The following ZNF618 variants were observed in gnomAD, a reference collection of about 807,000 sequenced individuals.
ZNF618 encodes the protein neural precursor cell expressed, developmentally down-regulated 10.
Under a neutral mutation model 103.0 loss-of-function variants are expected in ZNF618, and 34 were observed. The ratio of observed to expected loss-of-function variants is 0.33; its 90% CI spans 0.25 to 0.44. The LOEUF is 0.44. Ranked by LOEUF, ZNF618 falls within the 20% of genes least tolerant of loss-of-function variation. ZNF618 has a pLI of 1.00. For missense variants in ZNF618, 1,059 were observed against 1,295.4 expected (o/e 0.82, Z 2.80); for synonymous variants, 551 against 542.2 (o/e 1.02, Z -0.23).
intron 1 of ZNF618, among the ~76,000 whole-genome samples, chr9:113,886,971 CTTTTTTTTTTTTTTT>C (rs57000343): frequency 1.8e-5 from 2 of 109,518 alleles, no homozygotes; most frequent in Admixed American, 1.0e-4. Context: ...TTACTTTCTA[CTTTTTTTTTTTTTTT>C]TTTTTTTTTT....
At chr9:113,966,741 A>G (rs1837439196) in intron 1 of ZNF618, among the ~76,000 whole-genome samples, 1 of 152,216 alleles carries the variant, frequency 6.6e-6, no homozygotes, top group Admixed American at 6.5e-5. Context: ...ATTCCAATGA[A>G]GCAACTCTCA....
chr9:114,039,206 C>T (rs1844899351), intron 13 of ZNF618, among the ~76,000 whole-genome samples: 2 of 152,128 alleles, frequency 1.3e-5, no homozygotes, highest in African/African-American at 2.4e-5. Flanking sequence ...TTTCAGCCTC[C>T]GCGTTAAAGT....
chr9:113,897,226 A>T (rs1320293376), intron 1 of ZNF618, among the ~76,000 whole-genome samples: 1 of 152,076 alleles, frequency 6.6e-6, no homozygotes, highest in Non-Finnish European at 1.5e-5. Context: ...AACTAAGAAG[A>T]TGTTTTTGAT....
intron 2 of ZNF618, among the ~76,000 whole-genome samples, chr9:113,984,826 A>T (rs1163897480): frequency 6.6e-6 from 1 of 152,172 alleles, no homozygotes; most frequent in Non-Finnish European, 1.5e-5. Context: ...CTTGAATGTG[A>T]ATACACATCG....
At chr9:114,036,192 G>C (rs578136018) in intron 12 of ZNF618, 108 bp from the exon 13 acceptor site, 7 of 1,004,246 alleles carry the variant, frequency 7.0e-6, no homozygotes, top group African/African-American at 3.2e-5. Context: ...CCTGAGCACA[G>C]AGACCCGGTG....
chr9:113,939,499 G>T (rs759118689), intron 1 of ZNF618, among the ~76,000 whole-genome samples: 4 of 151,898 alleles, frequency 2.6e-5, no homozygotes, highest in Admixed American at 6.6e-5. Context: ...AATTATGTTG[G>T]CTTTGTAACA....
chr9:113,919,630 G>T (rs1352864324), intron 1 of ZNF618, among the ~76,000 whole-genome samples: 1 of 152,318 alleles, frequency 6.6e-6, no homozygotes, highest in East Asian at 1.9e-4. Flanking sequence ...GTCCTCCAAC[G>T]GCGGGGCCAG....
intron 12 of ZNF618, among the ~76,000 whole-genome samples, chr9:114,033,150 C>G (rs1282233490): frequency 1.3e-5 from 2 of 152,206 alleles, no homozygotes; most frequent in Non-Finnish European, 1.5e-5. Context: ...TGGCTCACAC[C>G]TGTAATCCCA....
chr9:114,032,654 C>T lies in ZNF618; in HGVS notation c.1094C>T (p.Ala365Val), dbSNP rs1844192516. The T allele has an allele frequency of 6.2e-7, 1 of 1,614,014 alleles. No homozygotes were observed. The highest frequency in any genetic ancestry group is 8.5e-7 in the Non-Finnish European group (1 of 1,179,878). ...PASKATAAES[A>V]FSRRVEGKAQ... ...CCTGTCCCCCACCCAGCAGAAAGCG[C>T]TTTCAGTCGGAGAGTAGAAGGCAAA... Residue 365 changes from alanine (A) to valine (V), a missense_variant, in exon 12 of 15, where the codon GCT becomes GTT. Ala to Val is a moderately conservative substitution (Grantham distance 64). Transcript: ENST00000374126.
chr9:114,030,147 G>A lies in ZNF618; in HGVS notation c.1084+1175G>A, dbSNP rs543605807. Among the ~76,000 whole-genome samples the A allele has an allele frequency of 7.9e-5, 12 of 152,332 alleles. No individual in the cohort carries two copies. In the South Asian group the frequency reaches 2.1e-3, roughly 26 times the overall value. ...GACAACCCAGCCGAGTGATTAAGCC[G>A]TGCTTTCCTTTACTCCTCAGTTCAG... is the stretch of plus-strand genomic sequence containing the variant. On this transcript the variant is annotated intron_variant, in intron 11 of 14. Transcript: ENST00000374126.
intron 1 of ZNF618, among the ~76,000 whole-genome samples, chr9:113,916,498 G>A (rs2131556094): frequency 6.6e-6 from 1 of 152,328 alleles, no homozygotes; most frequent in South Asian, 2.1e-4. Flanking sequence ...TGTTGTAGAG[G>A]TAAGTGTACC....
chr9:114,020,618 A>G (rs1000745342), intron 10 of ZNF618, among the ~76,000 whole-genome samples: 4 of 138,172 alleles, frequency 2.9e-5, no homozygotes, highest in Non-Finnish European at 6.3e-5. Flanking sequence ...GCTATTGCCT[A>G]TAAAAAAATC....
chr9:114,014,379 A>G (rs934188743), intron 9 of ZNF618, among the ~76,000 whole-genome samples: 4 of 152,186 alleles, frequency 2.6e-5, no homozygotes, highest in African/African-American at 7.2e-5. Flanking sequence ...TAAATTCCCT[A>G]TCATGGGTTT....
intron 1 of ZNF618, among the ~76,000 whole-genome samples, chr9:113,886,409 G>A (rs549165630): frequency 2.0e-5 from 3 of 152,254 alleles, no homozygotes; most frequent in South Asian, 2.1e-4. Flanking sequence ...TTTTGCAAGC[G>A]AAGAAGATGT....
chr9:113,969,015 A>G (rs1837695158), intron 1 of ZNF618, 102 bp from the exon 2 acceptor site: 4 of 1,338,854 alleles, frequency 3.0e-6, no homozygotes, highest in Middle Eastern at 1.8e-4. Context: ...CTCACCCCAC[A>G]GTGTGAAGGC....
chr9:114,009,958 A>G (rs1323833006), intron 9 of ZNF618, among the ~76,000 whole-genome samples: 1 of 152,244 alleles, frequency 6.6e-6, no homozygotes, highest in Non-Finnish European at 1.5e-5. Flanking sequence ...TGGTCAGCAC[A>G]GTGCTGTCAC....
chr9:114,019,596 G>T (rs1283808513), intron 10 of ZNF618, among the ~76,000 whole-genome samples: 1 of 152,190 alleles, frequency 6.6e-6, no homozygotes, highest in East Asian at 1.9e-4. Context: ...AACTAATGAC[G>T]TTGAACATCT....
At position 113,889,903 on chromosome 9, in the gene ZNF618, G is replaced by A. The variant is rs149592632; in HGVS notation, c.33+13490G>A. Among the ~76,000 whole-genome samples the A allele has an allele frequency of 1.2e-3, 177 of 152,320 alleles. 2 individuals carry two copies. The highest frequency in any genetic ancestry group is 1.8e-3 in the Non-Finnish European group (125 of 68,038). On this transcript the variant is annotated intron_variant, in intron 1 of 14. Coordinates refer to ENST00000374126, the MANE Select transcript of ZNF618 (RefSeq NM_001318042.2). ...AGCTCGGAGGGAGAATGAGACTAATGTTGATTGAGAACCTAGTGAATGTTA... is the reference window on the plus strand; with the variant it reads ...AGCTCGGAGGGAGAATGAGACTAATATTGATTGAGAACCTAGTGAATGTTA...
chr9:113,951,104 A>G (rs1031094422), intron 1 of ZNF618, among the ~76,000 whole-genome samples: 2 of 151,336 alleles, frequency 1.3e-5, no homozygotes, highest in Admixed American at 6.6e-5. Flanking sequence ...TGGAGGCTAG[A>G]AGGCCAGTTG....
Sources: allele counts gnomAD v4.1 joint callset (sites outside exome capture counted in the v4.1 genomes callset), GRCh38; gene constraint gnomAD v4.1.1; transcripts MANE v1.5; gene names NCBI Gene and HGNC (gene_info 2026-07-23, HGNC 2026-07-21).